The following TTC21B variants were observed in gnomAD, a reference collection of about 807,000 sequenced individuals.
The protein encoded by TTC21B is tetratricopeptide repeat protein 21B.
Under a neutral mutation model 175.1 loss-of-function variants are expected in TTC21B, and 127 were observed. That is an observed-to-expected ratio of 0.73 (90% CI 0.63 to 0.84). The LOEUF (loss-of-function observed/expected upper bound fraction) is 0.84. Ranked by LOEUF, TTC21B falls within the 40% of genes least tolerant of loss-of-function variation. TTC21B has a pLI of 0.00. For synonymous variants in TTC21B, 524 were observed against 524.5 expected (o/e 1.00, Z 0.01); for missense variants, 1,561 against 1,558.3 (o/e 1.00, Z -0.03).
At chr2:165,912,437 T>C (rs1220079087) in intron 17 of TTC21B, 77 bp downstream of exon 17, 5 of 1,118,416 alleles carry the variant, frequency 4.5e-6, no homozygotes, top group Non-Finnish European at 6.9e-6. Context: ...ATGCAAATGG[T>C]GCTCGCTGAA....
chr2:165,927,357 T>TTA (rs1306861608), intron 11 of TTC21B, among the ~76,000 whole-genome samples: 1,873 of 92,430 alleles, frequency 0.02, 73 homozygotes, highest in African/African-American at 0.035. Context: ...ATAATATATT[T>TTA]TATATATATA....
chr2:165,883,508 A>C (rs1460570605), intron 26 of TTC21B, among the ~76,000 whole-genome samples: 1 of 152,222 alleles, frequency 6.6e-6, no homozygotes, highest in Non-Finnish European at 1.5e-5. Flanking sequence ...GATGAGATGG[A>C]TAATCACAGG....
Position 165,911,668 on chromosome 2 carries a change from A to AT in TTC21B, c.2323-204dup, listed in dbSNP as rs1167955966. On this transcript the variant is annotated intron_variant, in intron 17 of 28. Transcript: ENST00000243344. ...CATGAAACAACTAATATATATATATATTTTTTTTTTTTGAGTCACAGTCTC... is the reference window on the plus strand; with the variant it reads ...CATGAAACAACTAATATATATATATATTTTTTTTTTTTTGAGTCACAGTCTC... 0.036 allele frequency among the ~76,000 whole-genome samples: 4,881 copies of AT among 134,762 alleles called. 87 individuals carry two copies. The highest frequency in any genetic ancestry group is 0.043 in the Non-Finnish European group (2,786 of 64,262). 88.4% of individuals were successfully genotyped at this position (134,762 alleles called of 152,430 possible). A position where few individuals can be genotyped will look rare whatever the true frequency, so the allele number is the denominator to read the frequency against.
chr2:165,924,339 C>T (rs557420739), intron 12 of TTC21B, among the ~76,000 whole-genome samples: 5 of 152,110 alleles, frequency 3.3e-5, no homozygotes, highest in East Asian at 3.9e-4. Context: ...CCCAGCAATT[C>T]GCTTAAGCCA....
chr2:165,881,499 C>T (rs919095959), intron 26 of TTC21B, among the ~76,000 whole-genome samples: 19 of 152,100 alleles, frequency 1.2e-4, no homozygotes, highest in African/African-American at 4.6e-4. Context: ...CTCTCTGTGT[C>T]TCTTTTCTTG....
At chr2:165,938,577 A>G (rs1022586403) in intron 6 of TTC21B, among the ~76,000 whole-genome samples, 2 of 152,316 alleles carry the variant, frequency 1.3e-5, no homozygotes, top group East Asian at 1.9e-4. Flanking sequence ...CAGAGGATAA[A>G]GCAACAAGTT....
Position 165,945,651 on chromosome 2 carries a change from T to C in TTC21B, c.302A>G (p.Glu101Gly). The change falls in exon 4 of 29, where the codon GAA becomes GGA. Residue 101 changes from glutamate to glycine, a missense_variant. Transcript: ENST00000243344. Reference sequence around the variant, plus strand: ...TTTCTCTCCAGCTCCTTTACGTTGTTCCTTCACTCTGGCATCTGATTCCAG... The same window carrying C: ...TTTCTCTCCAGCTCCTTTACGTTGTCCCTTCACTCTGGCATCTGATTCCAG... Reference protein sequence around the residue: ...AILESDARVKEQRKGAGEKAL... With the variant: ...AILESDARVKGQRKGAGEKAL... 1 of 1,613,678 alleles carries C rather than the reference T, an allele frequency of 6.2e-7. No homozygotes were observed. The highest frequency in any genetic ancestry group is 8.5e-7 in the Non-Finnish European group (1 of 1,179,930).
At position 165,915,244 on chromosome 2, in the gene TTC21B, G is replaced by C. The variant is rs200182771; in HGVS notation, c.2095C>G (p.Leu699Val). 1.9e-6 allele frequency: 3 copies of C among 1,614,016 alleles called. No homozygotes were observed. The highest frequency in any genetic ancestry group is 2.5e-6 in the Non-Finnish European group (3 of 1,179,922). ...EAREKMADIY[L>V]KHRKDKMLYI... ...AACATTTTATCTTTTCTGTGCTTCAGATAAATATCTGCCATTTTTTCTCTG... is the reference window on the plus strand; with the variant it reads ...AACATTTTATCTTTTCTGTGCTTCACATAAATATCTGCCATTTTTTCTCTG... Residue 699 changes from leucine to valine, a missense_variant, in exon 15 of 29, where the codon CTG becomes GTG. Coordinates refer to ENST00000243344, the MANE Select transcript of TTC21B (RefSeq NM_024753.5).
rs746952719 is a variant in TTC21B at position 165,933,010 on chromosome 2, G to C, written c.758C>G (p.Ala253Gly). 1 of 1,613,014 alleles carries C rather than the reference G, an allele frequency of 6.2e-7. No individual in the cohort carries two copies. Among genetic ancestry groups the C allele is most frequent in the South Asian group, 1.1e-5 (1 of 90,836 alleles). ...CCCCTCTCTACACACATAGTAGAGT[G>C]CCTGCATTCTCAGTGCTTCCACATT... Reference protein sequence around the residue: ...SQNVEALRMQALYYVCREGDI... With the variant: ...SQNVEALRMQGLYYVCREGDI... Residue 253 changes from alanine to glycine, a missense_variant, in exon 7 of 29, where the codon GCA (alanine) becomes GGA (glycine). Ala to Gly is a moderately conservative substitution (Grantham distance 60). Coordinates refer to ENST00000243344, the MANE Select transcript of TTC21B (RefSeq NM_024753.5).
At chr2:165,922,832 A>G (rs372492818) in intron 12 of TTC21B, among the ~76,000 whole-genome samples, 2 of 152,324 alleles carry the variant, frequency 1.3e-5, no homozygotes, top group South Asian at 2.1e-4. Flanking sequence ...TGGAACCAAC[A>G]TAAGCGTCCA....
chr2:165,913,846 C>G (rs996526812), intron 15 of TTC21B, among the ~76,000 whole-genome samples, 200 bp from the exon 16 acceptor site: 1 of 152,180 alleles, frequency 6.6e-6, no homozygotes, highest in African/African-American at 2.4e-5. Flanking sequence ...CTATTTCTGT[C>G]ACTGAATCTT....
At chr2:165,919,507 G>C in intron 12 of TTC21B, 74 bp from the exon 13 acceptor site, 1 of 1,520,790 alleles carries the variant, frequency 6.6e-7, no homozygotes, top group Non-Finnish European at 9.1e-7. Flanking sequence ...AGAGGAAGAA[G>C]AGTGTTTAGT....
intron 19 of TTC21B, among the ~76,000 whole-genome samples, chr2:165,903,276 T>C (rs1423444672): frequency 6.6e-6 from 1 of 151,710 alleles, no homozygotes; most frequent in Admixed American, 6.6e-5. Context: ...GAAAAACAGA[T>C]GGGATGAAGA....
intron 10 of TTC21B, 92 bp downstream of exon 10, chr2:165,929,558 T>C (rs1686806507): frequency 1.0e-6 from 1 of 993,646 alleles, no homozygotes. Flanking sequence ...ACACTAGTGC[T>C]TTACAGCCAT....
chr2:165,924,598 T>C lies in TTC21B; in HGVS notation c.1467A>G (p.Pro489=), dbSNP rs774134966. ...SVLETVVRTV[P]GLLQTVFLIA... ...TTAGGAAGACTGTTTGCAGAAGACCTGGAACAGTTCTTACTACAGTCTCCA... is the reference window on the plus strand; with the variant it reads ...TTAGGAAGACTGTTTGCAGAAGACCCGGAACAGTTCTTACTACAGTCTCCA... Residue 489 remains proline (P), a synonymous_variant, in exon 12 of 29, where the codon CCA becomes CCG. Coordinates refer to ENST00000243344, the MANE Select transcript of TTC21B (RefSeq NM_024753.5). The C allele has an allele frequency of 6.2e-7, 1 of 1,613,656 alleles. No homozygotes were observed. The highest frequency in any genetic ancestry group is 8.5e-7 in the Non-Finnish European group (1 of 1,179,834).
intron 6 of TTC21B, among the ~76,000 whole-genome samples, chr2:165,938,272 C>A (rs1470528910): frequency 6.6e-6 from 1 of 151,892 alleles, no homozygotes; most frequent in African/African-American, 2.4e-5. Context: ...TTATATGAAC[C>A]ATACCACTCA....
At chr2:165,953,646 C>T (rs766280629) in intron 1 of TTC21B, 39 bp downstream of exon 1, 1 of 1,469,372 alleles carries the variant, frequency 6.8e-7, no homozygotes, top group East Asian at 2.6e-5. Context: ...GAACTCCGCC[C>T]GCCCGCCCGC....
Position 165,874,608 on chromosome 2 carries a change from T to C in TTC21B, c.*147A>G. 3 of 697,590 alleles carry C rather than the reference T, an allele frequency of 4.3e-6. No homozygotes were observed. Among genetic ancestry groups the C allele is most frequent in the Non-Finnish European group, 5.1e-6 (2 of 392,208 alleles). The allele number at this position is 697,590 out of a possible 1,614,324, so 43.2% of individuals were successfully genotyped here. ...ACACCAATTTCACATAGTACTTCTC[T>C]TGATGTACAGCAGCAACCTCTGCTG... On this transcript the variant is annotated 3_prime_UTR_variant, in exon 29 of 29. Transcript: ENST00000243344.
At chr2:165,914,654 AATCT>A (rs1686076730) in intron 15 of TTC21B, among the ~76,000 whole-genome samples, 2 of 17,080 alleles carry the variant, frequency 1.2e-4, no homozygotes, top group South Asian at 1.5e-3. Flanking sequence ...GAGGAAGAGC[AATCT>A]GTGTGTGTGT....
Sources: gnomAD v4.1 joint callset for allele counts (sites outside exome capture counted in the v4.1 genomes callset) on GRCh38, gnomAD v4.1.1 for gene constraint, MANE v1.5 for transcripts, NCBI Gene and HGNC (gene_info 2026-07-23, HGNC 2026-07-21) for gene names.